The following ADAMTS6 variants were observed in gnomAD, a reference collection of about 807,000 sequenced individuals.
The protein encoded by ADAMTS6 is ADAM metallopeptidase with thrombospondin type 1 motif 6, also known as A disintegrin and metalloproteinase with thrombospondin motifs 6.
In ADAMTS6, 23 loss-of-function variants were observed where a neutral mutation model predicts 144.3. That is an observed-to-expected ratio of 0.16 (90% CI 0.11 to 0.23). ADAMTS6 has a LOEUF of 0.23. Ranked by LOEUF, ADAMTS6 falls within the 10% of genes least tolerant of loss-of-function variation. The pLI is 1.00. For synonymous variants in ADAMTS6, 444 were observed against 457.5 expected, an observed-to-expected ratio of 0.97 and a Z score of 0.38; for missense variants, 999 against 1,379.6, an observed-to-expected ratio of 0.72 and a Z score of 4.37.
intron 9 of ADAMTS6, among the ~76,000 whole-genome samples, chr5:65,314,419 A>T (rs1348589563): frequency 1.3e-5 from 2 of 152,148 alleles, no homozygotes; most frequent in Admixed American, 1.3e-4. Flanking sequence ...TGTGACTTCC[A>T]TGTACATGTA....
chr5:65,392,441 T>C (rs923533489), intron 7 of ADAMTS6, among the ~76,000 whole-genome samples: 1 of 152,224 alleles, frequency 6.6e-6, no homozygotes, highest in Non-Finnish European at 1.5e-5. Flanking sequence ...CTCAGTATTT[T>C]ACTATAAAGA....
At chr5:65,159,684 T>C (rs1752638361) in intron 24 of ADAMTS6, among the ~76,000 whole-genome samples, 2 of 152,230 alleles carry the variant, frequency 1.3e-5, no homozygotes, top group South Asian at 2.1e-4. Flanking sequence ...CAAAATTATT[T>C]GTATGTTGCC....
At chr5:65,384,203 T>TC (rs1561487040) in intron 7 of ADAMTS6, among the ~76,000 whole-genome samples, 4 of 152,168 alleles carry the variant, frequency 2.6e-5, no homozygotes, top group African/African-American at 9.7e-5. Flanking sequence ...CTTACTGTTC[T>TC]CCCCCAAACA....
chr5:65,273,541 G>C lies in ADAMTS6; in HGVS notation c.1513-94C>G, dbSNP rs1157373243. Reference sequence around the variant, plus strand: ...TACAGTCACTCTGCATTACTTTCAAGAGACCCTGGGTACCTTTTGCTGCTG... The same window carrying C: ...TACAGTCACTCTGCATTACTTTCAACAGACCCTGGGTACCTTTTGCTGCTG... On this transcript the variant is annotated intron_variant, in intron 11 of 24. Transcript: ENST00000381055. The C allele has an allele frequency of 6.0e-6, 6 of 1,007,140 alleles. No individual in the cohort carries two copies. The East Asian group carries it at 1.5e-4, about 25-fold the overall frequency. 62.4% of individuals were successfully genotyped at this position (1,007,140 alleles called of 1,614,324 possible).
Position 65,182,889 on chromosome 5 carries a change from C to T in ADAMTS6, c.2910+5127G>A, listed in dbSNP as rs528061510. 3.3e-5 allele frequency among the ~76,000 whole-genome samples: 5 copies of T among 152,266 alleles called. No individual in the cohort carries two copies. In the South Asian group the frequency reaches 1.0e-3, roughly 32 times the overall value. On this transcript the variant is annotated intron_variant, in intron 22 of 24. Coordinates refer to ENST00000381055, the MANE Select transcript of ADAMTS6 (RefSeq NM_197941.4). ...CTGAAAATCAACCAGATTTTCAAGA[C>T]AGTGAATGACTGAAAACTACATTGC...
rs916507924 is a variant in ADAMTS6 at position 65,231,978 on chromosome 5, G to T, written c.1934-5759C>A. ...TACAAAAAGTTAGCTGGTCATGGTG[G>T]TACATGTCTGTAATCCCAGCTACTC... On this transcript the variant is annotated intron_variant, in intron 15 of 24. Transcript: ENST00000381055. Among the ~76,000 whole-genome samples the T allele has an allele frequency of 2.0e-5, 3 of 151,986 alleles. No homozygotes were observed. The East Asian group carries it at 5.8e-4, about 29-fold the overall frequency.
intron 19 of ADAMTS6, 95 bp downstream of exon 19, chr5:65,215,229 A>G (rs1379184060): frequency 7.3e-7 from 1 of 1,370,860 alleles, no homozygotes. Flanking sequence ...CCTTAATTTC[A>G]TCACCTGTAA....
chr5:65,215,194 G>T, intron 19 of ADAMTS6, 130 bp downstream of exon 19: 2 of 1,162,206 alleles, frequency 1.7e-6, no homozygotes, highest in South Asian at 1.6e-5. Flanking sequence ...TAACACCCTT[G>T]GGTAAATCAT....
At chr5:65,205,890 T>C (rs1449634073) in intron 20 of ADAMTS6, among the ~76,000 whole-genome samples, 1 of 152,192 alleles carries the variant, frequency 6.6e-6, no homozygotes, top group Non-Finnish European at 1.5e-5. Context: ...TTCAGGAGGA[T>C]GCATCGGAAG....
At chr5:65,403,952 G>A (rs543875742) in intron 7 of ADAMTS6, among the ~76,000 whole-genome samples, 4 of 151,946 alleles carry the variant, frequency 2.6e-5, no homozygotes, top group Non-Finnish European at 5.9e-5. Context: ...AAAAAAGAGT[G>A]CCTGATACAA....
chr5:65,400,118 T>C (rs1370253132), intron 7 of ADAMTS6, among the ~76,000 whole-genome samples: 1 of 152,194 alleles, frequency 6.6e-6, no homozygotes, highest in Non-Finnish European at 1.5e-5. Context: ...TAGTTAGATG[T>C]AGTTCCTACC....
intron 7 of ADAMTS6, among the ~76,000 whole-genome samples, chr5:65,361,069 G>T (rs542325146): frequency 6.6e-6 from 1 of 152,252 alleles, no homozygotes; most frequent in Admixed American, 6.5e-5. Flanking sequence ...AGAGTAGCAT[G>T]AACCTCTCTT....
chr5:65,296,818 A>G (rs1326775303), intron 10 of ADAMTS6, among the ~76,000 whole-genome samples: 3 of 152,188 alleles, frequency 2.0e-5, no homozygotes, highest in African/African-American at 7.2e-5. Flanking sequence ...AAATTTTGCT[A>G]TGGATCTTTG....
Position 65,275,157 on chromosome 5 carries a change from T to A in ADAMTS6, c.1513-1710A>T, listed in dbSNP as rs141865466. Among the ~76,000 whole-genome samples the A allele has an allele frequency of 2.5e-3, 347 of 136,994 alleles. 2 individuals are homozygous for A. The highest frequency in any genetic ancestry group is 8.8e-3 in the African/African-American group (320 of 36,432). The allele number at this position is 136,994 out of a possible 152,430, so 89.9% of individuals were successfully genotyped here. A position where few individuals can be genotyped will look rare whatever the true frequency, so the allele number is the denominator to read the frequency against. On this transcript the variant is annotated intron_variant, in intron 11 of 24. Transcript: ENST00000381055. ...ATCGCTTGAGCCCAAGAGTTAGAAG[T>A]TGCAGTGAACTGCACCATTGCACTC...
intron 1 of ADAMTS6, among the ~76,000 whole-genome samples, chr5:65,480,313 T>G (rs1006491996): frequency 2.0e-4 from 30 of 150,806 alleles, no homozygotes; most frequent in African/African-American, 7.3e-4. Flanking sequence ...CACCCTCACC[T>G]CCCCCCGCCC....
intron 11 of ADAMTS6, among the ~76,000 whole-genome samples, chr5:65,284,455 G>A (rs1485707354): frequency 6.6e-6 from 1 of 151,926 alleles, no homozygotes; most frequent in Admixed American, 6.6e-5. Flanking sequence ...CTACTGGGTA[G>A]GTTTGTTTCA....
In ADAMTS6 at chr5:65,300,080, A is replaced by G. The variant is rs1446674066; in HGVS notation, c.1275T>C (p.His425=). The stretch of plus-strand genomic sequence containing the variant: ...GAGCTGCCATAAGTTTTGCTGCTTC[A>G]TGACCTTTCGTCCCACAAGAATTTC... ...GIGNSCGTKG[H]EAAKLMAAHI... is the part of the protein sequence containing the mutation. Residue 425 remains histidine (H), a synonymous_variant, in exon 10 of 25, where the codon CAT becomes CAC. Transcript: ENST00000381055. The G allele has an allele frequency of 3.1e-6, 5 of 1,614,144 alleles. No homozygotes were observed. The highest frequency in any genetic ancestry group is 1.7e-6 in the Non-Finnish European group (2 of 1,180,000).
At chr5:65,284,081 A>C (rs757954583) in intron 11 of ADAMTS6, among the ~76,000 whole-genome samples, 1 of 152,066 alleles carries the variant, frequency 6.6e-6, no homozygotes, top group Non-Finnish European at 1.5e-5. Flanking sequence ...TCCCCAAAAG[A>C]CTCGTACAAC....
At chr5:65,414,839 G>A (rs1561520652) in intron 7 of ADAMTS6, among the ~76,000 whole-genome samples, 2 of 151,944 alleles carry the variant, frequency 1.3e-5, no homozygotes, top group Non-Finnish European at 1.5e-5. Flanking sequence ...AATTCAAAAC[G>A]AACCCAAAGA....
Sources: gnomAD v4.1 joint callset for allele counts (sites outside exome capture counted in the v4.1 genomes callset) on GRCh38, gnomAD v4.1.1 for gene constraint, MANE v1.5 for transcripts, NCBI Gene and HGNC (gene_info 2026-07-23, HGNC 2026-07-21) for gene names.